Variants in CFAP299 observed in about 807,000 individuals in gnomAD.
The protein encoded by CFAP299 is cilia and flagella associated protein 299, also known as cilia- and flagella-associated protein 299.
In CFAP299, 21 loss-of-function variants were observed where a neutral mutation model predicts 27.0. That is an observed-to-expected ratio of 0.78 (90% CI 0.55 to 1.12). The LOEUF is 1.12. CFAP299 is among the 50% of genes most tolerant of loss of function. CFAP299 has a pLI of 0.00. For missense variants in CFAP299, 310 were observed against 276.6 expected (o/e 1.12, Z -0.86); for synonymous variants, 104 against 98.1 (o/e 1.06, Z -0.36).
intron 3 of CFAP299, among the ~76,000 whole-genome samples, chr4:80,839,252 C>G (rs1198457572): frequency 6.6e-6 from 1 of 152,018 alleles, no homozygotes; most frequent in Non-Finnish European, 1.5e-5. Flanking sequence ...GTATCACATC[C>G]TCATCATTAT....
intron 3 of CFAP299, among the ~76,000 whole-genome samples, chr4:80,606,195 T>C (rs1034493879): frequency 6.6e-6 from 1 of 152,214 alleles, no homozygotes; most frequent in Non-Finnish European, 1.5e-5. Flanking sequence ...AAGAGTCTCT[T>C]ATAAGTCTTT....
At chr4:80,790,022 G>C (rs997420955) in intron 3 of CFAP299, among the ~76,000 whole-genome samples, 2 of 151,900 alleles carry the variant, frequency 1.3e-5, no homozygotes, top group African/African-American at 4.8e-5. Context: ...TAACAAATAA[G>C]TCAGAATCAC....
In CFAP299 at chr4:80,650,037, T is replaced by C. The variant is rs1304499089; in HGVS notation, c.333+66854T>C. Reference sequence around the variant, plus strand: ...GGGAGGTTAGCTTACTTTGTAAATATGCAAAATAGTGACAAAATAATCATA... The same window carrying C: ...GGGAGGTTAGCTTACTTTGTAAATACGCAAAATAGTGACAAAATAATCATA... On this transcript the variant is annotated intron_variant, in intron 3 of 5. Coordinates refer to ENST00000358105, the MANE Select transcript of CFAP299 (RefSeq NM_152770.3). Among the ~76,000 whole-genome samples, 8 of 152,224 alleles carry C rather than the reference T, an allele frequency of 5.3e-5. No homozygotes were observed. The East Asian group carries it at 9.6e-4, about 18-fold the overall frequency.
chr4:80,442,708 T>C (rs971112592), intron 2 of CFAP299, among the ~76,000 whole-genome samples: 3 of 152,034 alleles, frequency 2.0e-5, no homozygotes, highest in Non-Finnish European at 4.4e-5. Context: ...CTGAAGGAGA[T>C]AGAGACTCGA....
chr4:80,517,321 G>T (rs1328514349), intron 2 of CFAP299, among the ~76,000 whole-genome samples: 2 of 152,136 alleles, frequency 1.3e-5, no homozygotes, highest in South Asian at 4.1e-4. Context: ...TTGAAATGCT[G>T]GTCAGAAGCC....
intron 3 of CFAP299, among the ~76,000 whole-genome samples, chr4:80,845,299 A>G (rs1435563200): frequency 1.3e-5 from 2 of 150,372 alleles, no homozygotes; most frequent in Non-Finnish European, 3.0e-5. Context: ...TTTTTAAAAG[A>G]CCGTTCAAGT....
intron 3 of CFAP299, among the ~76,000 whole-genome samples, chr4:80,716,678 C>T (rs1030423625): frequency 2.6e-5 from 4 of 152,084 alleles, no homozygotes; most frequent in East Asian, 3.8e-4. Context: ...AAAGTTTGTA[C>T]CACTGAGTGA....
intron 2 of CFAP299, among the ~76,000 whole-genome samples, chr4:80,415,708 A>T (rs1010157775): frequency 1.3e-5 from 2 of 152,212 alleles, no homozygotes; most frequent in South Asian, 4.1e-4. Context: ...TTTATGAATT[A>T]ATTTTTAGTA....
intron 4 of CFAP299, among the ~76,000 whole-genome samples, chr4:80,894,032 C>A (rs751496404): frequency 1.3e-5 from 2 of 151,004 alleles, no homozygotes; most frequent in African/African-American, 4.9e-5. Context: ...AACAAATAAC[C>A]CAATTAAAAA....
intron 2 of CFAP299, among the ~76,000 whole-genome samples, chr4:80,555,731 T>C (rs571380636): frequency 6.6e-4 from 101 of 152,230 alleles, no homozygotes; most frequent in African/African-American, 2.2e-3. Context: ...CTTGGGAGGA[T>C]GTATGTGTCC....
At chr4:80,750,996 C>A (rs1724898897) in intron 3 of CFAP299, among the ~76,000 whole-genome samples, 1 of 152,132 alleles carries the variant, frequency 6.6e-6, no homozygotes, top group Non-Finnish European at 1.5e-5. Flanking sequence ...TTATTACCCA[C>A]CTTCTGAAAC....
At chr4:80,633,971 TGAG>T (rs1739350931) in intron 3 of CFAP299, among the ~76,000 whole-genome samples, 1 of 149,464 alleles carries the variant, frequency 6.7e-6, no homozygotes. Context: ...TCTCGCTTCC[TGAG>T]GAGAAAACTT....
At chr4:80,392,510 G>A (rs1013881306) in intron 2 of CFAP299, among the ~76,000 whole-genome samples, 2 of 152,122 alleles carry the variant, frequency 1.3e-5, no homozygotes, top group East Asian at 1.9e-4. Flanking sequence ...TCTCATGATA[G>A]TGAGTGAGGT....
intron 2 of CFAP299, among the ~76,000 whole-genome samples, chr4:80,545,427 A>G (rs1734179130): frequency 6.6e-6 from 1 of 151,904 alleles, no homozygotes; most frequent in Non-Finnish European, 1.5e-5. Context: ...TTTATTACAA[A>G]CCACCCTACA....
intron 3 of CFAP299, among the ~76,000 whole-genome samples, chr4:80,716,461 A>G (rs1464253582): frequency 6.6e-6 from 1 of 151,584 alleles, no homozygotes; most frequent in Admixed American, 6.6e-5. Flanking sequence ...AGTTGAGTTC[A>G]CTGATGACAC....
intron 4 of CFAP299, among the ~76,000 whole-genome samples, chr4:80,920,093 G>A (rs558870948): frequency 3.9e-5 from 6 of 152,102 alleles, no homozygotes; most frequent in Admixed American, 6.6e-5. Context: ...TTGAAGTTTT[G>A]TCTACTCTTG....
intron 1 of CFAP299, among the ~76,000 whole-genome samples, chr4:80,337,806 G>A (rs1190100270): frequency 6.6e-6 from 1 of 152,086 alleles, no homozygotes; most frequent in African/African-American, 2.4e-5. Flanking sequence ...GCTTATTTTT[G>A]TTGTACTTTC....
intron 4 of CFAP299, among the ~76,000 whole-genome samples, chr4:80,936,066 G>A (rs1444310936): frequency 6.6e-6 from 1 of 151,908 alleles, no homozygotes; most frequent in Admixed American, 6.6e-5. Flanking sequence ...AACAAAATTA[G>A]GTTGGTGCAA....
chr4:80,514,088 TTTTG>T (rs1019064402), intron 2 of CFAP299, among the ~76,000 whole-genome samples: 3 of 152,048 alleles, frequency 2.0e-5, no homozygotes, highest in Admixed American at 1.3e-4. Context: ...ATGTGTGTTT[TTTTG>T]TTTGTTTGTT....
Sources: gnomAD v4.1 joint callset for allele counts (sites outside exome capture counted in the v4.1 genomes callset) on GRCh38, gnomAD v4.1.1 for gene constraint, MANE v1.5 for transcripts, NCBI Gene and HGNC (gene_info 2026-07-23, HGNC 2026-07-21) for gene names.